Variants in ZDHHC4 observed in about 807,000 individuals in gnomAD.
ZDHHC4 encodes zDHHC palmitoyltransferase 4, also known as palmitoyltransferase ZDHHC4.
Under a neutral mutation model 36.7 loss-of-function variants are expected in ZDHHC4, and 42 were observed. The observed-to-expected ratio is 1.14, with a 90% CI of 0.89 to 1.48. The LOEUF (loss-of-function observed/expected upper bound fraction) is 1.48. Ranked by LOEUF, ZDHHC4 falls within the 40% of genes most tolerant of loss-of-function variation. ZDHHC4 has a pLI of 0.00. For synonymous variants in ZDHHC4, 189 were observed against 166.6 expected, an observed-to-expected ratio of 1.13 and a Z score of -1.03; for missense variants, 457 against 421.5, an observed-to-expected ratio of 1.08 and a Z score of -0.74.
intron 7 of ZDHHC4, 139 bp from the exon 8 acceptor site, chr7:6,588,476 TCA>T (rs1562546907): frequency 1.2e-6 from 1 of 838,372 alleles, no homozygotes; most frequent in Non-Finnish European, 1.9e-6. Context: ...CTGTTTATGT[TCA>T]GTTTGTCACA....
chr7:6,578,258 G>C (rs1780580567), intron 1 of ZDHHC4, among the ~76,000 whole-genome samples: 1 of 152,056 alleles, frequency 6.6e-6, no homozygotes, highest in South Asian at 2.1e-4. Flanking sequence ...CTCCCAAGTA[G>C]CTGGGACCAC....
At chr7:6,578,414 A>G (rs1780595903) in intron 1 of ZDHHC4, 152 bp from the exon 2 acceptor site, 1 of 152,210 alleles carries the variant, frequency 6.6e-6, no homozygotes, top group Admixed American at 6.5e-5. Flanking sequence ...AGGCCTAAGC[A>G]ACTTAGTCTG....
chr7:6,583,570 G>A, intron 6 of ZDHHC4, 139 bp downstream of exon 6: 1 of 1,196,626 alleles, frequency 8.4e-7, no homozygotes, highest in Non-Finnish European at 1.1e-6. Flanking sequence ...GTAGAGTTGA[G>A]ATAATGGTTT....
At chr7:6,585,475 G>C (rs986295502) in intron 7 of ZDHHC4, among the ~76,000 whole-genome samples, 7 of 151,570 alleles carry the variant, frequency 4.6e-5, no homozygotes, top group Admixed American at 6.6e-5. Flanking sequence ...TGAATAACTG[G>C]TCTCCTGTAG....
Position 6,582,249 on chromosome 7 carries a change from C to G in ZDHHC4, c.368C>G (p.Pro123Arg), listed in dbSNP as rs201964923. 1.5e-5 allele frequency: 25 copies of G among 1,613,714 alleles called. No individual in the cohort carries two copies. The highest frequency in any genetic ancestry group is 4.2e-6 in the Non-Finnish European group (5 of 1,179,852). Residue 123 changes from proline (P) to arginine (R), a missense_variant and splice_region_variant, in exon 5 of 8, where the codon CCT becomes CGT. Physicochemically the swap from Pro to Arg is moderately radical, Grantham distance 103. Transcript: ENST00000335965. ...TTCACCCTGACTTGTGGAACCAATCCTGGTAAGTTGAGGCTCTTAGCATAC... is the reference window on the plus strand; with the variant it reads ...TTCACCCTGACTTGTGGAACCAATCGTGGTAAGTTGAGGCTCTTAGCATAC... ...FFFTLTCGTN[P>R]GIITKANELL... is the part of the protein sequence containing the mutation.
intron 7 of ZDHHC4, among the ~76,000 whole-genome samples, chr7:6,586,973 T>C (rs1390804443): frequency 6.6e-6 from 1 of 152,214 alleles, no homozygotes; most frequent in African/African-American, 2.4e-5. Context: ...TTTATGTTTA[T>C]GTTTTTATGT....
chr7:6,588,111 C>T (rs918166547), intron 7 of ZDHHC4, among the ~76,000 whole-genome samples: 6 of 152,244 alleles, frequency 3.9e-5, no homozygotes, highest in South Asian at 2.1e-4. Flanking sequence ...GTGATCTGCC[C>T]GCCTCGGCCT....
At chr7:6,582,399 ATT>A in intron 5 of ZDHHC4, 148 bp downstream of exon 5, 3 of 750,178 alleles carry the variant, frequency 4.0e-6, no homozygotes, top group Non-Finnish European at 6.1e-6. Context: ...GTGTTTTCTA[ATT>A]TTTTTTTTCT....
Position 6,582,164 on chromosome 7 carries a change from G to C in ZDHHC4, c.283G>C (p.Glu95Gln). The change falls in exon 5 of 8, where the codon GAG becomes CAG. Residue 95 changes from glutamate to glutamine, a missense_variant. Transcript: ENST00000335965. ...WEVFGYCQELELSLHYLLLPY... is the reference protein window; with the variant it reads ...WEVFGYCQELQLSLHYLLLPY... Reference sequence around the variant, plus strand: ...AGTATTTGGCTACTGTCAGGAGCTGGAGTTGTCCTTGCATTACCTTCTTCT... The same window carrying C: ...AGTATTTGGCTACTGTCAGGAGCTGCAGTTGTCCTTGCATTACCTTCTTCT... The C allele has an allele frequency of 6.2e-7, 1 of 1,614,162 alleles. No homozygotes were observed. Among genetic ancestry groups the C allele is most frequent in the South Asian group, 1.1e-5 (1 of 91,080 alleles).
rs766180701 is a variant in ZDHHC4, at chr7:6,585,080, G to T, written c.561G>T (p.Gly187=). ...HHCVWVNNCI[G]AWNIRYFLIY... ...GTGTTTGGGTGAACAACTGCATCGG[G>T]GCCTGGAACATCAGGTACTTCCTCA... is the stretch of plus-strand genomic sequence containing the variant. Residue 187 remains glycine (G), a synonymous_variant, in exon 7 of 8, where the codon GGG becomes GGT. Coordinates refer to ENST00000335965, the MANE Select transcript of ZDHHC4 (RefSeq NM_001134389.2). The T allele has an allele frequency of 3.7e-6, 6 of 1,614,118 alleles. No homozygotes were observed. The highest frequency in any genetic ancestry group is 5.1e-6 in the Non-Finnish European group (6 of 1,180,022).
intron 7 of ZDHHC4, among the ~76,000 whole-genome samples, chr7:6,586,107 C>T (rs1781226073): frequency 1.3e-5 from 2 of 151,052 alleles, no homozygotes; most frequent in South Asian, 2.1e-4. Flanking sequence ...GAGCCAAGAT[C>T]GTGCCATTGC....
At chr7:6,588,365 T>G (rs1476344737) in intron 7 of ZDHHC4, among the ~76,000 whole-genome samples, 1 of 152,240 alleles carries the variant, frequency 6.6e-6, no homozygotes, top group Non-Finnish European at 1.5e-5. Flanking sequence ...GAATAGCACA[T>G]TTCCTAAGTA....
rs758957845 is a variant in ZDHHC4 at position 6,580,600 on chromosome 7, G to A, written c.39G>A (p.Ser13=). 10 of 1,613,920 alleles carry A rather than the reference G, an allele frequency of 6.2e-6. No individual in the cohort carries two copies. The highest frequency in any genetic ancestry group is 1.6e-4 in the Middle Eastern group (1 of 6,084). The change falls in exon 3 of 8, where the codon TCG becomes TCA. Residue 13 remains serine (S), a synonymous_variant. Transcript: ENST00000335965. ...FLVLFLFYLA[S]VLMGLVLICV... is the part of the protein sequence containing the mutation. ...TCCTCTTCTTGTTCTACCTGGCTTC[G>A]GTGCTGATGGGTCTTGTTCTTATCT...
rs534946585 is a variant in ZDHHC4, at chr7:6,588,614, T to C, written c.742-3T>C. The C allele has an allele frequency of 3.8e-4, 607 of 1,613,920 alleles. 3 individuals are homozygous for C. In the African/African-American group the frequency reaches 7.4e-3, roughly 20 times the overall value. On this transcript the variant is annotated splice_region_variant and splice_polypyrimidine_tract_variant and intron_variant, in intron 7 of 7. Transcript: ENST00000335965. ...TAAAGCACTACCTTTTCTCTGCTCC[T>C]AGTACCTGTTCCTGACTTTTCCACG...
chr7:6,582,880 A>T (rs1453422390), intron 5 of ZDHHC4, among the ~76,000 whole-genome samples: 2 of 152,176 alleles, frequency 1.3e-5, no homozygotes, highest in Non-Finnish European at 2.9e-5. Flanking sequence ...CATTATTAAA[A>T]ATGAATTGCG....
At position 6,589,258 on chromosome 7, in the gene ZDHHC4, AGCG is replaced by A. The variant is rs1357682441; in HGVS notation, c.*349_*351del. 10 of 265,708 alleles carry A rather than the reference AGCG, an allele frequency of 3.8e-5. No homozygotes were observed. Among genetic ancestry groups the A allele is most frequent in the Non-Finnish European group, 6.7e-5 (9 of 135,198 alleles). 16.5% of individuals were successfully genotyped at this position (265,708 alleles called of 1,614,324 possible). A position where few individuals can be genotyped will look rare whatever the true frequency, so the allele number is the denominator to read the frequency against. On this transcript the variant is annotated 3_prime_UTR_variant, in exon 8 of 8. Coordinates refer to ENST00000335965, the MANE Select transcript of ZDHHC4 (RefSeq NM_001134389.2). Reference sequence around the variant, plus strand: ...ATGTGCAGGAGGGTCTCATTGACTCAGCGCCTGCGCGTTGTGCCTGGCTGTGCT... The same window carrying A: ...ATGTGCAGGAGGGTCTCATTGACTCACCTGCGCGTTGTGCCTGGCTGTGCT...
chr7:6,585,979 C>T (rs141343656), intron 7 of ZDHHC4, among the ~76,000 whole-genome samples: 5 of 152,152 alleles, frequency 3.3e-5, no homozygotes, highest in Admixed American at 2.0e-4. Flanking sequence ...GGTAAAACCT[C>T]GTCTCTACTA....
intron 2 of ZDHHC4, among the ~76,000 whole-genome samples, chr7:6,579,446 T>A (rs1402614914): frequency 6.6e-6 from 1 of 152,140 alleles, no homozygotes; most frequent in Admixed American, 6.5e-5. Context: ...GTGATCCGCC[T>A]GCCTCGACAT....
Position 6,583,357 on chromosome 7 carries a change from ATGAAG to A in ZDHHC4, c.426_430del (p.Glu142AspfsTer12). 6.2e-7 allele frequency: 1 copy of A among 1,613,914 alleles called. No homozygotes were observed. Among genetic ancestry groups the A allele is most frequent in the Non-Finnish European group, 8.5e-7 (1 of 1,179,914 alleles). ...TTATTTCTTCATGTTTATGAATTTG[ATGAAG>A]TGATGTTTCCAAAGAACGTGAGGTG... On this transcript the variant is annotated frameshift_variant, in exon 6 of 8. Transcript: ENST00000335965. LOFTEE classifies it high-confidence loss of function.
Sources: gnomAD v4.1 joint callset for allele counts (sites outside exome capture counted in the v4.1 genomes callset) on GRCh38, gnomAD v4.1.1 for gene constraint, MANE v1.5 for transcripts, NCBI Gene and HGNC (gene_info 2026-07-23, HGNC 2026-07-21) for gene names.